The following IP6K2 variants were observed in gnomAD, a reference collection of about 807,000 sequenced individuals.
IP6K2 encodes inositol hexakisphosphate kinase 2.
IP6K2 carries 9 observed loss-of-function variants against 43.3 expected under a neutral mutation model. That is an observed-to-expected ratio of 0.21 (90% confidence interval 0.13 to 0.36). The LOEUF (loss-of-function observed/expected upper bound fraction) is 0.36. Ranked by LOEUF, IP6K2 falls within the 10% of genes least tolerant of loss-of-function variation. The probability of loss-of-function intolerance (pLI) is 1.00; values close to 1 mark genes in which losing one functional copy is unlikely to be tolerated. For missense variants in IP6K2, 332 were observed against 538.4 expected, an observed-to-expected ratio of 0.62 and a Z score of 3.79; for synonymous variants, 209 against 202.4, an observed-to-expected ratio of 1.03 and a Z score of -0.28.
intron 2 of IP6K2, chr3:48,694,098 A>G: frequency 1.4e-6 from 2 of 1,480,450 alleles, no homozygotes; most frequent in South Asian, 1.4e-5. Context: ...GAGAGATGAC[A>G]CTTCTGAGGT....
intron 1 of IP6K2, among the ~76,000 whole-genome samples, chr3:48,709,824 G>T (rs930060368): frequency 6.7e-6 from 1 of 149,068 alleles, no homozygotes; most frequent in Non-Finnish European, 1.5e-5. Context: ...GCAAGAGAGC[G>T]AGACTCCATC....
intron 1 of IP6K2, chr3:48,699,554 C>T (rs2078796391): frequency 1.3e-5 from 2 of 152,142 alleles, no homozygotes; most frequent in Admixed American, 6.5e-5. Context: ...TCTGGCGGTC[C>T]ATAGGTTGCT....
chr3:48,691,758 G>T (rs1301377235), intron 3 of IP6K2, among the ~76,000 whole-genome samples: 1 of 151,994 alleles, frequency 6.6e-6, no homozygotes, highest in Non-Finnish European at 1.5e-5. Context: ...AGAAGATCGT[G>T]CCACTGCACT....
chr3:48,709,973 A>G (rs1367061658), intron 1 of IP6K2, among the ~76,000 whole-genome samples: 1 of 152,246 alleles, frequency 6.6e-6, no homozygotes, highest in East Asian at 1.9e-4. Context: ...AAAATATTTT[A>G]AAATTTTTGT....
In IP6K2 at chr3:48,702,256, T is replaced by C. The variant is rs573285095; in HGVS notation, c.-130-6835A>G. ...AAAAAAAAATAAAATAAAGCATCCA[T>C]AGAGGAAAAAATATCAACATCAAAT... is the stretch of plus-strand genomic sequence containing the variant. On this transcript the variant is annotated intron_variant, in intron 1 of 5. Transcript: ENST00000328631. Among the ~76,000 whole-genome samples the C allele has an allele frequency of 9.2e-5, 14 of 152,180 alleles. No individual in the cohort carries two copies. The South Asian group carries it at 1.9e-3, about 20-fold the overall frequency.
At chr3:48,713,460 A>C (rs1269800494) in intron 1 of IP6K2, among the ~76,000 whole-genome samples, 6 of 152,374 alleles carry the variant, frequency 3.9e-5, no homozygotes, top group Middle Eastern at 6.8e-3. Flanking sequence ...GACTTAGGAG[A>C]TCTAGCCCAG....
chr3:48,714,176 G>A (rs1261514638), intron 1 of IP6K2, among the ~76,000 whole-genome samples: 1 of 152,190 alleles, frequency 6.6e-6, no homozygotes, highest in Non-Finnish European at 1.5e-5. Context: ...GCATATCCCA[G>A]AAATTTGTTT....
chr3:48,705,549 A>G (rs954223584), intron 1 of IP6K2, among the ~76,000 whole-genome samples: 1 of 151,570 alleles, frequency 6.6e-6, no homozygotes, highest in African/African-American at 2.4e-5. Context: ...CATGGTGGGG[A>G]GACTGAGGTG....
At chr3:48,694,817 AG>A in intron 2 of IP6K2, 1 of 1,536,470 alleles carries the variant, frequency 6.5e-7, no homozygotes, top group South Asian at 1.2e-5. Context: ...ACTGTGATCA[AG>A]AGACACCTGA....
chr3:48,714,496 G>A (rs962468517), intron 1 of IP6K2, among the ~76,000 whole-genome samples: 5 of 151,894 alleles, frequency 3.3e-5, no homozygotes, highest in Non-Finnish European at 7.4e-5. Context: ...GGGTTCAAAC[G>A]ATTCTCTTGC....
rs144566634 is a variant in IP6K2 at position 48,688,336 on chromosome 3, A to G, written c.1218T>C (p.Tyr406=). The change falls in exon 6 of 6, where the codon TAT becomes TAC. Residue 406 remains tyrosine (Y), a synonymous_variant. Transcript: ENST00000328631. The surrounding 1 kb of genome is among the most constrained non-coding windows in gnomAD (Gnocchi z 5.1). The part of the protein sequence containing the change: ...TVVHEGQDAG[Y]IFGLQSLIDI... ...CTATCAGGCTCTGGAGCCCGAAGATATAGCCAGCATCCTGGCCCTCATGCA... is the reference window on the plus strand; with the variant it reads ...CTATCAGGCTCTGGAGCCCGAAGATGTAGCCAGCATCCTGGCCCTCATGCA... 4 of 1,614,240 alleles carry G rather than the reference A, an allele frequency of 2.5e-6. No homozygotes were observed. The South Asian group carries it at 3.3e-5, about 13-fold the overall frequency.
Position 48,688,113 on chromosome 3 carries a change from GCACAGCTGGGACTGGCTCAGGCTGGGGCT to G in IP6K2, c.*131_*159del. 1 of 705,836 alleles carries G rather than the reference GCACAGCTGGGACTGGCTCAGGCTGGGGCT, an allele frequency of 1.4e-6. No homozygotes were observed. Among genetic ancestry groups the G allele is most frequent in the South Asian group, 1.8e-5 (1 of 56,436 alleles). The allele number at this position is 705,836 out of a possible 1,614,324, so 43.7% of individuals were successfully genotyped here. A position where few individuals can be genotyped will look rare whatever the true frequency, so the allele number is the denominator to read the frequency against. On this transcript the variant is annotated 3_prime_UTR_variant, in exon 6 of 6. Coordinates refer to ENST00000328631, the MANE Select transcript of IP6K2 (RefSeq NM_016291.4). This position sits in a 1 kb window ranked among gnomAD's most constrained non-coding sequence, Gnocchi z 5.1. Reference sequence around the variant, plus strand: ...TAGTTAAAATAAATAAAGACTCCAAGCACAGCTGGGACTGGCTCAGGCTGGGGCTCACAGAGGCCACTGCACATCAGCTC... The same window carrying G: ...TAGTTAAAATAAATAAAGACTCCAAGCACAGAGGCCACTGCACATCAGCTC...
intron 1 of IP6K2, among the ~76,000 whole-genome samples, chr3:48,705,918 A>AC (rs398105853): frequency 6.7e-6 from 1 of 150,268 alleles, no homozygotes; most frequent in Admixed American, 6.6e-5. Flanking sequence ...ATAAAAAAAA[A>AC]CAGAAGGACA....
chr3:48,689,017 G>A (rs1302375577), intron 5 of IP6K2, among the ~76,000 whole-genome samples: 3 of 152,206 alleles, frequency 2.0e-5, no homozygotes, highest in African/African-American at 7.2e-5. Flanking sequence ...CACTGGAGAG[G>A]ACCAAACCCT....
At chr3:48,707,006 T>A (rs1559553457) in intron 1 of IP6K2, among the ~76,000 whole-genome samples, 1 of 152,232 alleles carries the variant, frequency 6.6e-6, no homozygotes. Context: ...AAAGATGGCA[T>A]TTATAATTAC....
In IP6K2 at chr3:48,688,871, G is replaced by T; in HGVS notation, c.781-98C>A. ...GGTGTGGTGGTGGCGGCATGTGACA[G>T]CCCAGATCAGATAAAGTACACCAGT... On this transcript the variant is annotated intron_variant, in intron 5 of 5. Transcript: ENST00000328631. The surrounding 1 kb of genome is among the most constrained non-coding windows in gnomAD (Gnocchi z 5.1). 1 of 1,285,960 alleles carries T rather than the reference G, an allele frequency of 7.8e-7. No individual in the cohort carries two copies. The highest frequency in any genetic ancestry group is 1.1e-6 in the Non-Finnish European group (1 of 933,834). The allele number at this position is 1,285,960 out of a possible 1,614,324, so 79.7% of individuals were successfully genotyped here.
At chr3:48,711,614 C>T (rs150944861) in intron 1 of IP6K2, among the ~76,000 whole-genome samples, 1 of 152,232 alleles carries the variant, frequency 6.6e-6, no homozygotes, top group East Asian at 1.9e-4. Context: ...AGGAATGACA[C>T]CTTTTACTGC....
chr3:48,709,779 G>C (rs1160686870), intron 1 of IP6K2, among the ~76,000 whole-genome samples: 2 of 151,638 alleles, frequency 1.3e-5, no homozygotes, highest in Non-Finnish European at 2.9e-5. Context: ...GGAGCTTGCA[G>C]TGAGCCGAGA....
At chr3:48,696,037 C>T (rs1298268946) in intron 1 of IP6K2, among the ~76,000 whole-genome samples, 3 of 151,542 alleles carry the variant, frequency 2.0e-5, no homozygotes, top group Non-Finnish European at 2.9e-5. Flanking sequence ...AGGTGCACAC[C>T]ACCACACCCA....
Sources: gnomAD v4.1 joint callset for allele counts (sites outside exome capture counted in the v4.1 genomes callset) on GRCh38, gnomAD v4.1.1 for gene constraint, Gnocchi (gnomAD v3.1) non-coding constraint, MANE v1.5 for transcripts, NCBI Gene and HGNC (gene_info 2026-07-23, HGNC 2026-07-21) for gene names.